Variants in TPR observed in about 807,000 individuals in gnomAD.
The protein encoded by TPR is translocated promoter region, nuclear basket protein.
In TPR, 51 loss-of-function variants were observed where a neutral mutation model predicts 316.1. The ratio of observed to expected loss-of-function variants is 0.16; its 90% CI spans 0.13 to 0.20. TPR has a LOEUF of 0.20. Ranked by LOEUF, TPR falls within the 10% of genes least tolerant of loss-of-function variation. The pLI is 1.00. For synonymous variants in TPR, 981 were observed against 914.7 expected (o/e 1.07, Z -1.31); for missense variants, 2,272 against 2,754.8 (o/e 0.82, Z 3.92).
Position 186,333,214 on chromosome 1 carries a change from G to C in TPR, c.5363C>G (p.Pro1788Arg), listed in dbSNP as rs1658227999. Residue 1788 changes from proline to arginine, a missense_variant, in exon 37 of 51, where the codon CCT becomes CGT. Around this residue, in one of 10 missense-constraint regions of TPR, gnomAD observed 435 missense variants for 461.1 expected, o/e 0.94. Transcript: ENST00000367478. Reference protein sequence around the residue: ...PTQQSHPQIEPANQELSSNIV... With the variant: ...PTQQSHPQIERANQELSSNIV... ...GTTTGAAGATAACTCTTGATTGGCA[G>C]GCTCAATCTGAGGATGACTCTGTTG... is the stretch of plus-strand genomic sequence containing the variant. 6.2e-7 allele frequency: 1 copy of C among 1,613,516 alleles called. No individual in the cohort carries two copies. Among genetic ancestry groups the C allele is most frequent in the Non-Finnish European group, 8.5e-7 (1 of 1,179,706 alleles).
At chr1:186,370,074 G>A (rs1487602895) in intron 3 of TPR, among the ~76,000 whole-genome samples, 1 of 151,988 alleles carries the variant, frequency 6.6e-6, no homozygotes, top group Non-Finnish European at 1.5e-5. Context: ...TCTCTGTACT[G>A]ATTTTTATAT....
At chr1:186,340,476 G>A (rs1404285987) in intron 29 of TPR, among the ~76,000 whole-genome samples, 2 of 151,630 alleles carry the variant, frequency 1.3e-5, no homozygotes, top group Non-Finnish European at 2.9e-5. Context: ...CTCTCACCCA[G>A]GCTAGCATGC....
rs1347295053 is a variant in TPR, at chr1:186,332,336, A to G, written c.5463T>C (p.Ala1821=). Residue 1821 remains alanine (A), a synonymous_variant, in exon 38 of 51, where the codon GCT becomes GCC. Transcript: ENST00000367478. The stretch of plus-strand genomic sequence containing the variant: ...GCTTTGGCAAAGAAGAACTGGGGGT[A>G]GCCGAAACTTTGAAATTATATAAAT... ...TSTAVFGTVS[A]TPSSSLPKRT... is the part of the protein sequence containing the mutation. 2 of 1,611,940 alleles carry G rather than the reference A, an allele frequency of 1.2e-6. No individual in the cohort carries two copies. The highest frequency in any genetic ancestry group is 1.7e-5 in the Admixed American group (1 of 59,738).
chr1:186,319,797 C>A (rs1423315296), intron 46 of TPR, among the ~76,000 whole-genome samples: 1 of 152,160 alleles, frequency 6.6e-6, no homozygotes, highest in Non-Finnish European at 1.5e-5. Context: ...GCATAATTCA[C>A]ATGTGGAAAA....
chr1:186,311,946 A>AATT lies in TPR; in HGVS notation c.*2022_*2024dup. 1.8e-6 allele frequency: 1 copy of AATT among 548,642 alleles called. No homozygotes were observed. Among genetic ancestry groups the AATT allele is most frequent in the Non-Finnish European group, 3.2e-6 (1 of 312,792 alleles). The allele number at this position is 548,642 out of a possible 1,614,324, so 34.0% of individuals were successfully genotyped here. On this transcript the variant is annotated 3_prime_UTR_variant, in exon 51 of 51. Transcript: ENST00000367478. The stretch of plus-strand genomic sequence containing the variant: ...CTGAGCACTTGTCACTTTCAATTGA[A>AATT]ATTAAATATATAACTATGTAATTTG...
Position 186,313,888 on chromosome 1 carries a change from TA to T in TPR, c.*82del. 6.6e-7 allele frequency: 1 copy of T among 1,512,618 alleles called. No individual in the cohort carries two copies. The highest frequency in any genetic ancestry group is 1.1e-5 in the South Asian group (1 of 88,516). 93.7% of individuals were successfully genotyped at this position (1,512,618 alleles called of 1,614,324 possible). A position where few individuals can be genotyped will look rare whatever the true frequency, so the allele number is the denominator to read the frequency against. ...TGACATGAGTATACCAGTTTATATATAAAAATGTTTTTAAACTTGACAATCA... is the reference window on the plus strand; with the variant it reads ...TGACATGAGTATACCAGTTTATATATAAAATGTTTTTAAACTTGACAATCA... On this transcript the variant is annotated 3_prime_UTR_variant, in exon 51 of 51. Transcript: ENST00000367478.
At position 186,361,723 on chromosome 1, in the gene TPR, T is replaced by C. The variant is rs1659194599; in HGVS notation, c.871-14A>G. 6.2e-7 allele frequency: 1 copy of C among 1,613,356 alleles called. No individual in the cohort carries two copies. The highest frequency in any genetic ancestry group is 8.5e-7 in the Non-Finnish European group (1 of 1,179,424). On this transcript the variant is annotated splice_polypyrimidine_tract_variant and intron_variant, in intron 8 of 50. Transcript: ENST00000367478. ...ATCAGCGGCACTCTAAAAGTTAATC[T>C]TAAAAAGTTACCTAACAGTCAACAA...
chr1:186,322,088 TC>T (rs1412741879), intron 45 of TPR, among the ~76,000 whole-genome samples: 1 of 152,174 alleles, frequency 6.6e-6, no homozygotes, highest in Non-Finnish European at 1.5e-5. Flanking sequence ...TCTTAAACAT[TC>T]TTATATTGTC....
At chr1:186,364,427 T>C (rs930249966) in intron 4 of TPR, among the ~76,000 whole-genome samples, 2 of 152,036 alleles carry the variant, frequency 1.3e-5, no homozygotes, top group South Asian at 2.1e-4. Context: ...AAGCCATCAC[T>C]GCAGCTACGC....
chr1:186,348,055 A>G (rs533442879), intron 21 of TPR, among the ~76,000 whole-genome samples: 3 of 152,308 alleles, frequency 2.0e-5, no homozygotes, highest in African/African-American at 7.2e-5. Context: ...AAAGAACAGA[A>G]TAATAGCAAT....
rs771306460 is a variant in TPR at position 186,334,316 on chromosome 1, T to G, written c.5182+9A>C. ...AGCAGTCTCATCAGATCTGTATTAT[T>G]TTACTAACCTTCCTGTGATTCCACT... On this transcript the variant is annotated intron_variant, in intron 36 of 50. Transcript: ENST00000367478. 3 of 1,607,758 alleles carry G rather than the reference T, an allele frequency of 1.9e-6. No homozygotes were observed. The highest frequency in any genetic ancestry group is 2.6e-6 in the Non-Finnish European group (3 of 1,176,334).
chr1:186,346,027 G>T, intron 23 of TPR, 108 bp downstream of exon 23: 3 of 1,312,464 alleles, frequency 2.3e-6, no homozygotes, highest in Non-Finnish European at 3.1e-6. Context: ...TTGCCTATGT[G>T]TTCAATAAAT....
intron 47 of TPR, 52 bp downstream of exon 47, chr1:186,318,681 G>T: frequency 1.2e-6 from 2 of 1,609,812 alleles, no homozygotes; most frequent in Non-Finnish European, 1.7e-6. Flanking sequence ...ATACTTCATA[G>T]GTTTTCATTT....
chr1:186,325,862 C>A lies in TPR; in HGVS notation c.6022-8G>T, dbSNP rs1657912236. 6.2e-7 allele frequency: 1 copy of A among 1,611,538 alleles called. No individual in the cohort carries two copies. The highest frequency in any genetic ancestry group is 8.5e-7 in the Non-Finnish European group (1 of 1,178,992). Reference sequence around the variant, plus strand: ...ATCAGTCCCATCACCACCCTAAAAACAAAACGTGGTAACATAATGCTCAAA... The same window carrying A: ...ATCAGTCCCATCACCACCCTAAAAAAAAAACGTGGTAACATAATGCTCAAA... On this transcript the variant is annotated splice_polypyrimidine_tract_variant and splice_region_variant and intron_variant, in intron 41 of 50. Coordinates refer to ENST00000367478, the MANE Select transcript of TPR (RefSeq NM_003292.3).
intron 13 of TPR, among the ~76,000 whole-genome samples, chr1:186,358,073 A>G (rs1659081260): frequency 6.6e-6 from 1 of 152,234 alleles, no homozygotes; most frequent in African/African-American, 2.4e-5. Context: ...AGGGTAAAAT[A>G]TATGAATGAG....
Position 186,362,306 on chromosome 1 carries a change from C to A in TPR, c.771G>T (p.Leu257=), listed in dbSNP as rs772782243. The A allele has an allele frequency of 6.2e-7, 1 of 1,612,028 alleles. No individual in the cohort carries two copies. Among genetic ancestry groups the A allele is most frequent in the African/African-American group, 1.3e-5 (1 of 74,818 alleles). ...TATATACCTCTTTTAATTTGGTCAA[C>A]AGATCCTCCACATGCTTTTGAAGAT... ...NEHLQKHVED[L]LTKLKEAKEQ... is the part of the protein sequence containing the mutation. Residue 257 remains leucine, a synonymous_variant, in exon 7 of 51, where the codon CTG becomes CTT. Coordinates refer to ENST00000367478, the MANE Select transcript of TPR (RefSeq NM_003292.3).
intron 21 of TPR, 92 bp downstream of exon 21, chr1:186,350,131 C>A: frequency 8.3e-7 from 1 of 1,198,124 alleles, no homozygotes; most frequent in Non-Finnish European, 1.1e-6. Flanking sequence ...CTAGCATTCA[C>A]AAAGAATTAG....
chr1:186,362,238 G>T (rs755355227), intron 7 of TPR, 50 bp downstream of exon 7: 2 of 1,452,822 alleles, frequency 1.4e-6, no homozygotes, highest in African/African-American at 1.4e-5. Context: ...TAACAGCTTC[G>T]TAAGTGCTTT....
At position 186,313,414 on chromosome 1, in the gene TPR, T is replaced by C; in HGVS notation, c.*557A>G. 2.5e-6 allele frequency: 1 copy of C among 404,138 alleles called. No individual in the cohort carries two copies. The highest frequency in any genetic ancestry group is 3.5e-5 in the South Asian group (1 of 28,228). The allele number at this position is 404,138 out of a possible 1,614,324, so 25.0% of individuals were successfully genotyped here. On this transcript the variant is annotated 3_prime_UTR_variant, in exon 51 of 51. Coordinates refer to ENST00000367478, the MANE Select transcript of TPR (RefSeq NM_003292.3). ...CCCCAAGTAAATTATTTTTCAAACT[T>C]GGTTACTCTTTAATGTTTACTTCAT...
Sources: gnomAD v4.1 joint callset for allele counts (sites outside exome capture counted in the v4.1 genomes callset) on GRCh38, gnomAD v4.1.1 for gene constraint, gnomAD v4.1.1 regional missense constraint, MANE v1.5 for transcripts, NCBI Gene and HGNC (gene_info 2026-07-23, HGNC 2026-07-21) for gene names.